The following SLC41A1 variants were observed in gnomAD, a reference collection of about 807,000 sequenced individuals.
SLC41A1 encodes solute carrier family 41 member 1, also known as solute carrier family 41 (magnesium transporter), member 1.
In SLC41A1, 20 loss-of-function variants were observed where a neutral mutation model predicts 47.3. The observed-to-expected ratio is 0.42, with a 90% CI of 0.30 to 0.61. The LOEUF (loss-of-function observed/expected upper bound fraction) is 0.61, where lower values mean the gene tolerates loss of function less well. Among genes scored for constraint, SLC41A1 ranks in the 20% least tolerant of loss-of-function variants. The pLI is 0.17. For missense variants in SLC41A1, 504 were observed against 674.1 expected, an observed-to-expected ratio of 0.75 and a Z score of 2.79; for synonymous variants, 282 against 272.7, an observed-to-expected ratio of 1.03 and a Z score of -0.34.
chr1:205,793,991 T>C (rs767755859), intron 10 of SLC41A1, among the ~76,000 whole-genome samples: 2 of 152,304 alleles, frequency 1.3e-5, no homozygotes, highest in Non-Finnish European at 1.5e-5. Flanking sequence ...ATCAAACCTA[T>C]AAAAATTTAA....
At chr1:205,800,035 G>A (rs1478203146) in intron 3 of SLC41A1, among the ~76,000 whole-genome samples, 4 of 152,194 alleles carry the variant, frequency 2.6e-5, no homozygotes, top group Non-Finnish European at 1.5e-5. Flanking sequence ...CAGCTGGGTG[G>A]GGGGTTGGAA....
At chr1:205,812,557 C>G (rs1656182609) in intron 1 of SLC41A1, among the ~76,000 whole-genome samples, 1 of 152,224 alleles carries the variant, frequency 6.6e-6, no homozygotes, top group South Asian at 2.1e-4. Context: ...ACCACTCCCC[C>G]TGTAAAGAGA....
chr1:205,796,751 T>C, intron 8 of SLC41A1, 173 bp downstream of exon 8: 1 of 680,984 alleles, frequency 1.5e-6, no homozygotes, highest in South Asian at 1.7e-5. Context: ...TCTGTCCTTT[T>C]ACTCTGCTCC....
chr1:205,798,884 A>G, intron 5 of SLC41A1, 69 bp from the exon 6 acceptor site: 1 of 1,614,142 alleles, frequency 6.2e-7, no homozygotes, highest in Non-Finnish European at 8.5e-7. Context: ...AAACAAAAAG[A>G]GAGAGTGGAA....
chr1:205,795,708 C>T (rs544468494), intron 8 of SLC41A1: 1 of 608,920 alleles, frequency 1.6e-6, no homozygotes, highest in East Asian at 2.8e-5. Flanking sequence ...CCCATCCTCC[C>T]CTCTATGGAG....
intron 2 of SLC41A1, among the ~76,000 whole-genome samples, chr1:205,807,650 CTT>C (rs71152452): frequency 1.0e-5 from 1 of 98,512 alleles, no homozygotes; most frequent in Non-Finnish European, 1.9e-5. Flanking sequence ...CTCGTAGAGT[CTT>C]TTTTTTTTTT....
At chr1:205,804,425 C>A (rs1655966995) in intron 2 of SLC41A1, among the ~76,000 whole-genome samples, 1 of 152,132 alleles carries the variant, frequency 6.6e-6, no homozygotes, top group Non-Finnish European at 1.5e-5. Flanking sequence ...GACTGCCCCC[C>A]ATCTCAACAA....
chr1:205,813,091 C>A lies in SLC41A1; in HGVS notation c.-930G>T. Reference sequence around the variant, plus strand: ...GCTTCGGGCCCGGCGGGGGGGCACCCGGACGGGGGACCGGGGAGCCGAGCT... The same window carrying A: ...GCTTCGGGCCCGGCGGGGGGGCACCAGGACGGGGGACCGGGGAGCCGAGCT... On this transcript the variant is annotated 5_prime_UTR_variant, in exon 1 of 11. Transcript: ENST00000367137. 1.0e-6 allele frequency: 1 copy of A among 985,510 alleles called. No homozygotes were observed. The allele number at this position is 985,510 out of a possible 1,614,324, so 61.0% of individuals were successfully genotyped here. A position where few individuals can be genotyped will look rare whatever the true frequency, so the allele number is the denominator to read the frequency against.
chr1:205,812,889 C>T lies in SLC41A1; in HGVS notation c.-728G>A. 1.4e-5 allele frequency: 14 copies of T among 985,482 alleles called. No homozygotes were observed. The highest frequency in any genetic ancestry group is 1.7e-5 in the Non-Finnish European group (14 of 829,986). 61.0% of individuals were successfully genotyped at this position (985,482 alleles called of 1,614,324 possible). A position where few individuals can be genotyped will look rare whatever the true frequency, so the allele number is the denominator to read the frequency against. On this transcript the variant is annotated 5_prime_UTR_variant, in exon 1 of 11. Transcript: ENST00000367137. ...TCTCGGGGGGTGCAGGGCACCCCCT[C>T]TTCTCATCACTCCTCCTCGACAGTC...
At chr1:205,792,387 T>C (rs1655645458) in intron 10 of SLC41A1, among the ~76,000 whole-genome samples, 1 of 152,210 alleles carries the variant, frequency 6.6e-6, no homozygotes, top group Admixed American at 6.5e-5. Context: ...ACCTCAATAT[T>C]AATATAAAGC....
chr1:205,810,035 G>T lies in SLC41A1; in HGVS notation c.372+35C>A. ...TCCCAGCAGGCAAAGGTGGCCCTGG[G>T]CTCACAGTCAAGAGCTGCCCTACTC... is the stretch of plus-strand genomic sequence containing the variant. On this transcript the variant is annotated intron_variant, in intron 2 of 10. Coordinates refer to ENST00000367137, the MANE Select transcript of SLC41A1 (RefSeq NM_173854.6). The surrounding 1 kb of genome is among the most constrained non-coding windows in gnomAD (Gnocchi z 5.5). The T allele has an allele frequency of 6.2e-7, 1 of 1,613,808 alleles. No individual in the cohort carries two copies. Among genetic ancestry groups the T allele is most frequent in the Non-Finnish European group, 8.5e-7 (1 of 1,179,928 alleles).
In SLC41A1 at chr1:205,795,456, T is replaced by G; in HGVS notation, c.1095A>C (p.Ala365=). The change falls in exon 9 of 11, where the codon GCA becomes GCC. Residue 365 remains alanine, a synonymous_variant. Transcript: ENST00000367137. The part of the protein sequence containing the change: ...VINGVGGNLV[A]VQASRISTFL... ...AGGTGGAGATGCGGCTGGCCTGCAC[T>G]GCCACCAGATTGCCCCCAACACCTG... The G allele has an allele frequency of 1.2e-6, 2 of 1,614,174 alleles. No homozygotes were observed. The highest frequency in any genetic ancestry group is 1.7e-6 in the Non-Finnish European group (2 of 1,180,032).
chr1:205,792,524 C>A (rs766452524), intron 10 of SLC41A1, among the ~76,000 whole-genome samples: 2 of 152,142 alleles, frequency 1.3e-5, no homozygotes, highest in African/African-American at 2.4e-5. Flanking sequence ...CGCTAGTGGG[C>A]CCAGGACCAG....
At chr1:205,808,850 T>C (rs1209422649) in intron 2 of SLC41A1, among the ~76,000 whole-genome samples, 3 of 152,222 alleles carry the variant, frequency 2.0e-5, no homozygotes, top group East Asian at 1.9e-4. Flanking sequence ...CAAGTCAAAG[T>C]TCTCCATGTG....
At chr1:205,793,046 T>C (rs1319148942) in intron 10 of SLC41A1, among the ~76,000 whole-genome samples, 1 of 152,218 alleles carries the variant, frequency 6.6e-6, no homozygotes, top group African/African-American at 2.4e-5. Context: ...CACAGCTGTC[T>C]TGTGCTACCA....
intron 2 of SLC41A1, among the ~76,000 whole-genome samples, chr1:205,806,981 T>C (rs823077): frequency 0.84 from 127,305 of 152,118 alleles, 54,686 homozygotes; most frequent in Non-Finnish European, 0.94. Flanking sequence ...CCAGGCCCAA[T>C]ATGGACTCCT....
At chr1:205,793,059 G>T (rs1402518701) in intron 10 of SLC41A1, among the ~76,000 whole-genome samples, 1 of 152,096 alleles carries the variant, frequency 6.6e-6, no homozygotes, top group African/African-American at 2.4e-5. Context: ...TGCTACCACG[G>T]CCTTGGCTCC....
In SLC41A1 at chr1:205,812,979, G is replaced by A. The variant is rs1047555421; in HGVS notation, c.-818C>T. 1.1e-5 allele frequency: 11 copies of A among 985,862 alleles called. No individual in the cohort carries two copies. The highest frequency in any genetic ancestry group is 9.4e-5 in the South Asian group (2 of 21,292). 61.1% of individuals were successfully genotyped at this position (985,862 alleles called of 1,614,324 possible). The stretch of plus-strand genomic sequence containing the variant: ...AGGCGAGCGTCCAGCCGCGACACCC[G>A]GCTCGCTACATTTCGCTTCTGCGTT... On this transcript the variant is annotated 5_prime_UTR_variant, in exon 1 of 11. Transcript: ENST00000367137.
In SLC41A1 at chr1:205,810,725, T is replaced by G; in HGVS notation, c.-284A>C. 2.0e-6 allele frequency: 1 copy of G among 502,984 alleles called. No homozygotes were observed. Among genetic ancestry groups the G allele is most frequent in the Non-Finnish European group, 3.6e-6 (1 of 276,618 alleles). The allele number at this position is 502,984 out of a possible 1,614,324, so 31.2% of individuals were successfully genotyped here. A position where few individuals can be genotyped will look rare whatever the true frequency, so the allele number is the denominator to read the frequency against. On this transcript the variant is annotated 5_prime_UTR_variant, in exon 2 of 11. Transcript: ENST00000367137. The surrounding 1 kb of genome is among the most constrained non-coding windows in gnomAD (Gnocchi z 5.5). The stretch of plus-strand genomic sequence containing the variant: ...GACTCCAACCCACCAGCTCTGTGCT[T>G]GAAGAAAAAGTATCTGTCCTCTTAT...
Sources: gnomAD v4.1 joint callset for allele counts (sites outside exome capture counted in the v4.1 genomes callset) on GRCh38, gnomAD v4.1.1 for gene constraint, Gnocchi (gnomAD v3.1) non-coding constraint, MANE v1.5 for transcripts, NCBI Gene and HGNC (gene_info 2026-07-23, HGNC 2026-07-21) for gene names.